MACROD2: variants seen among roughly 807,000 people sequenced by gnomAD.
MACROD2 encodes mono-ADP ribosylhydrolase 2, also known as ADP-ribose glycohydrolase MACROD2.
A neutral mutation model predicts 70.4 loss-of-function variants in MACROD2; 36 were observed. That is an observed-to-expected ratio of 0.51 (90% confidence interval 0.39 to 0.68). The LOEUF (loss-of-function observed/expected upper bound fraction) is 0.68, where lower values mean the gene tolerates loss of function less well. MACROD2 is among the 30% of genes least tolerant of loss of function. The pLI, the probability that MACROD2 is intolerant of heterozygous loss-of-function variation, is 0.00. For synonymous variants in MACROD2, 172 were observed against 178.8 expected, an observed-to-expected ratio of 0.96 and a Z score of 0.30; for missense variants, 496 against 538.4, an observed-to-expected ratio of 0.92 and a Z score of 0.78.
intron 5 of MACROD2, among the ~76,000 whole-genome samples, chr20:15,100,226 A>C (rs890427728): frequency 7.9e-5 from 12 of 152,058 alleles, no homozygotes; most frequent in Non-Finnish European, 1.5e-4. Flanking sequence ...CAGACTATAG[A>C]TAGTTCCCAA....
chr20:14,164,330 T>C (rs939782522), intron 3 of MACROD2, among the ~76,000 whole-genome samples: 8 of 152,170 alleles, frequency 5.3e-5, no homozygotes, highest in Non-Finnish European at 1.2e-4. Context: ...GGGGCCCCAG[T>C]GGTGGCAGCA....
At chr20:14,711,948 G>A (rs2071343987) in intron 5 of MACROD2, among the ~76,000 whole-genome samples, 1 of 152,134 alleles carries the variant, frequency 6.6e-6, no homozygotes, top group Non-Finnish European at 1.5e-5. Context: ...GTGCTGACCA[G>A]ACTTCTTCCA....
At chr20:14,873,823 C>T (rs1046254999) in intron 5 of MACROD2, among the ~76,000 whole-genome samples, 1 of 152,084 alleles carries the variant, frequency 6.6e-6, no homozygotes, top group Non-Finnish European at 1.5e-5. Flanking sequence ...TGCGCCATTG[C>T]ACTCCAGCCT....
intron 8 of MACROD2, among the ~76,000 whole-genome samples, chr20:15,503,118 T>A (rs577729493): frequency 2.0e-5 from 3 of 152,306 alleles, no homozygotes; most frequent in South Asian, 2.1e-4. Context: ...CTGTTATAAA[T>A]GTAAATCAGA....
chr20:15,870,932 A>C (rs1176775868), intron 9 of MACROD2, among the ~76,000 whole-genome samples: 8 of 152,162 alleles, frequency 5.3e-5, no homozygotes, highest in Middle Eastern at 3.2e-3. Flanking sequence ...CAATCCCAGC[A>C]CTTTGGGATG....
intron 3 of MACROD2, among the ~76,000 whole-genome samples, chr20:14,185,184 G>A (rs2081335089): frequency 6.6e-6 from 1 of 152,016 alleles, no homozygotes; most frequent in African/African-American, 2.4e-5. Flanking sequence ...TTTTATGAGG[G>A]AGACCTCTTG....
intron 5 of MACROD2, among the ~76,000 whole-genome samples, chr20:15,110,544 C>T (rs367932096): frequency 1.3e-5 from 2 of 152,136 alleles, no homozygotes; most frequent in Non-Finnish European, 2.9e-5. Context: ...TGACCAGACT[C>T]CTGTCCTCAA....
intron 5 of MACROD2, among the ~76,000 whole-genome samples, chr20:14,686,769 A>T (rs6034009): frequency 0.67 from 101,871 of 152,030 alleles, 34,756 homozygotes; most frequent in African/African-American, 0.79. Flanking sequence ...CATATTCCTG[A>T]TGGTAAGTGA....
intron 5 of MACROD2, among the ~76,000 whole-genome samples, chr20:15,167,880 C>A (rs976523488): frequency 1.3e-5 from 2 of 152,084 alleles, no homozygotes; most frequent in East Asian, 3.9e-4. Flanking sequence ...TTCTTGAGAG[C>A]AGGACATCTT....
chr20:15,573,776 TCTCCTGCG>T (rs1223295415), intron 8 of MACROD2, among the ~76,000 whole-genome samples: 11 of 152,050 alleles, frequency 7.2e-5, no homozygotes, highest in Admixed American at 5.9e-4. Context: ...CCCTTATTCC[TCTCCTGCG>T]CTTAGGGAAC....
chr20:15,084,885 CCTG>C (rs1354569839), intron 5 of MACROD2, among the ~76,000 whole-genome samples: 3 of 152,062 alleles, frequency 2.0e-5, no homozygotes, highest in Non-Finnish European at 2.9e-5. Context: ...TTTTCAAAAT[CCTG>C]CTGGCTTTGG....
rs1234031830 is a variant in MACROD2, at chr20:14,958,165, C to T, written c.419-271775C>T. ...GTCTGTTTCTAATGTGTATGTATTA[C>T]CTTCTGTATTTCCACACTCACATCA... On this transcript the variant is annotated intron_variant, in intron 5 of 17. Transcript: ENST00000684519. Among the ~76,000 whole-genome samples the T allele has an allele frequency of 2.0e-5, 3 of 152,234 alleles. No individual in the cohort carries two copies. The East Asian group carries it at 5.8e-4, about 29-fold the overall frequency.
At chr20:15,580,399 C>T (rs1025059031) in intron 8 of MACROD2, among the ~76,000 whole-genome samples, 5 of 152,140 alleles carry the variant, frequency 3.3e-5, no homozygotes, top group African/African-American at 9.7e-5. Context: ...CATCTGTGTG[C>T]CCCCATTAGT....
intron 5 of MACROD2, among the ~76,000 whole-genome samples, chr20:15,181,763 A>G (rs533299997): frequency 6.6e-6 from 1 of 152,210 alleles, no homozygotes; most frequent in South Asian, 2.1e-4. Context: ...CTGTTGCCTT[A>G]TATTTTTACA....
intron 2 of MACROD2, among the ~76,000 whole-genome samples, chr20:14,068,012 C>G (rs1295837037): frequency 6.6e-6 from 1 of 152,118 alleles, no homozygotes; most frequent in African/African-American, 2.4e-5. Context: ...ACATATAGAT[C>G]TATAAAACTC....
At chr20:15,777,031 C>A (rs16996525) in intron 8 of MACROD2, among the ~76,000 whole-genome samples, 1 of 152,060 alleles carries the variant, frequency 6.6e-6, no homozygotes, top group Non-Finnish European at 1.5e-5. Flanking sequence ...AGTTGAAATT[C>A]GGCTCATTGT....
chr20:14,642,543 A>G (rs958504158), intron 4 of MACROD2, among the ~76,000 whole-genome samples: 4 of 152,136 alleles, frequency 2.6e-5, no homozygotes, highest in African/African-American at 9.7e-5. Context: ...AGTGAGAGAT[A>G]TGCAACTCCT....
intron 4 of MACROD2, among the ~76,000 whole-genome samples, chr20:14,585,024 G>T (rs546859246): frequency 6.6e-5 from 10 of 152,306 alleles, no homozygotes; most frequent in Non-Finnish European, 1.5e-4. Flanking sequence ...CTCCAGGAAG[G>T]TGGAGGTGCC....
chr20:15,907,447 CTGTT>C (rs1443892313), intron 10 of MACROD2, among the ~76,000 whole-genome samples: 1 of 152,210 alleles, frequency 6.6e-6, no homozygotes, highest in African/African-American at 2.4e-5. Context: ...GCATGGAAAT[CTGTT>C]TGGTGTTTAG....
Sources: allele counts gnomAD v4.1 joint callset (sites outside exome capture counted in the v4.1 genomes callset), GRCh38; gene constraint gnomAD v4.1.1; transcripts MANE v1.5; gene names NCBI Gene and HGNC (gene_info 2026-07-23, HGNC 2026-07-21).